Variants in WFIKKN2 observed in about 807,000 individuals in gnomAD.
WFIKKN2 encodes WAP, follistatin/kazal, immunoglobulin, kunitz and netrin domain containing 2.
Under a neutral mutation model 39.2 loss-of-function variants are expected in WFIKKN2, and 25 were observed. That is an observed-to-expected ratio of 0.64 (90% CI 0.47 to 0.89). WFIKKN2 has a LOEUF of 0.89. WFIKKN2 is among the 40% of genes least tolerant of loss of function. The probability of loss-of-function intolerance (pLI) is 0.00; values close to 1 mark genes in which losing one functional copy is unlikely to be tolerated. For synonymous variants in WFIKKN2, 345 were observed against 329.7 expected (o/e 1.05, Z -0.50); for missense variants, 770 against 811.7 (o/e 0.95, Z 0.62).
rs1280525422 is a variant in WFIKKN2, at chr17:50,841,381, C to A, written c.*362C>A. 2 of 193,574 alleles carry A rather than the reference C, an allele frequency of 1.0e-5. No homozygotes were observed. 12.0% of individuals were successfully genotyped at this position (193,574 alleles called of 1,614,324 possible). A position where few individuals can be genotyped will look rare whatever the true frequency, so the allele number is the denominator to read the frequency against. The stretch of plus-strand genomic sequence containing the variant: ...CCAGCAAGGGTTTAAGAGATGGCCG[C>A]TGTGTGCTGGTCACAGGAAGTGTTG... On this transcript the variant is annotated 3_prime_UTR_variant, in exon 2 of 2. Transcript: ENST00000311378.
rs1307654116 is a variant in WFIKKN2 at position 50,835,630 on chromosome 17, C to T, written c.-308C>T. 2.5e-6 allele frequency: 1 copy of T among 408,000 alleles called. No homozygotes were observed. 25.3% of individuals were successfully genotyped at this position (408,000 alleles called of 1,614,324 possible). Reference sequence around the variant, plus strand: ...CTGTGACAGGCATCAGGTTAGCTGGCTCCCACTCGGGTGGCGCGCCCAGGA... The same window carrying T: ...CTGTGACAGGCATCAGGTTAGCTGGTTCCCACTCGGGTGGCGCGCCCAGGA... On this transcript the variant is annotated 5_prime_UTR_variant, in exon 1 of 2. Transcript: ENST00000311378.
chr17:50,838,714 G>A (rs9913223), intron 1 of WFIKKN2, among the ~76,000 whole-genome samples: 4,387 of 152,274 alleles, frequency 0.029, 202 homozygotes, highest in African/African-American at 0.099. Context: ...ACACGGAGCT[G>A]ATACCTGGGC....
chr17:50,836,517 A>G (rs1836554593), intron 1 of WFIKKN2, among the ~76,000 whole-genome samples: 1 of 144,148 alleles, frequency 6.9e-6, no homozygotes, highest in African/African-American at 2.6e-5. Flanking sequence ...TGTGAGATGG[A>G]CCAGGTGAGT....
rs371989745 is a variant in WFIKKN2, at chr17:50,840,910, G to T, written c.1622G>T (p.Arg541Leu). 3.7e-6 allele frequency: 6 copies of T among 1,606,406 alleles called. No homozygotes were observed. The highest frequency in any genetic ancestry group is 5.1e-6 in the Non-Finnish European group (6 of 1,174,408). Residue 541 changes from arginine to leucine, a missense_variant, in exon 2 of 2, where the codon CGC (arginine) becomes CTC (leucine). Coordinates refer to ENST00000311378, the MANE Select transcript of WFIKKN2 (RefSeq NM_175575.6). ...GEVDGGMAML[R>L]PDSFVGASSA... is the part of the protein sequence containing the mutation. Reference sequence around the variant, plus strand: ...GTGGACGGCGGCATGGCCATGCTGCGCCCCGATAGCTTTGTGGGCGCATCG... The same window carrying T: ...GTGGACGGCGGCATGGCCATGCTGCTCCCCGATAGCTTTGTGGGCGCATCG...
rs1972007671 is a variant in WFIKKN2, at chr17:50,839,747, C to T, written c.459C>T (p.Tyr153=). The change falls in exon 2 of 2, where the codon TAC becomes TAT. Residue 153 remains tyrosine (Y), a synonymous_variant. Coordinates refer to ENST00000311378, the MANE Select transcript of WFIKKN2 (RefSeq NM_175575.6). ...SFTCASDGLT[Y]YNRCYMDAEA... is the part of the protein sequence containing the mutation. ...CCTGCGCCTCGGACGGCCTCACCTA[C>T]TATAACCGCTGCTACATGGATGCCG... is the stretch of plus-strand genomic sequence containing the variant. 2 of 1,614,248 alleles carry T rather than the reference C, an allele frequency of 1.2e-6. No homozygotes were observed. The highest frequency in any genetic ancestry group is 1.1e-5 in the South Asian group (1 of 91,088).
Position 50,840,674 on chromosome 17 carries a change from C to A in WFIKKN2, c.1386C>A (p.Asp462Glu). 3 of 1,613,972 alleles carry A rather than the reference C, an allele frequency of 1.9e-6. No individual in the cohort carries two copies. The highest frequency in any genetic ancestry group is 2.5e-6 in the Non-Finnish European group (3 of 1,179,998). Residue 462 changes from aspartate (D) to glutamate (E), a missense_variant, in exon 2 of 2, where the codon GAC (aspartate) becomes GAA (glutamate). Coordinates refer to ENST00000311378, the MANE Select transcript of WFIKKN2 (RefSeq NM_175575.6). ...QKLVTSFCRS[D>E]FVILGRVSEL... ...TCGTTACCAGCTTCTGTCGCAGCGA[C>A]TTTGTCATCCTGGGCCGAGTCTCTG...
Position 50,835,758 on chromosome 17 carries a change from C to G in WFIKKN2, c.-180C>G. On this transcript the variant is annotated 5_prime_UTR_variant, in exon 1 of 2. Transcript: ENST00000311378. ...TTCTTTTATCTGAAGCCGCACAGCC[C>G]GGCAGGCTGTGCTGACTTGGTGGAG... The G allele has an allele frequency of 3.1e-6, 2 of 643,284 alleles. No individual in the cohort carries two copies. Among genetic ancestry groups the G allele is most frequent in the Non-Finnish European group, 5.3e-6 (2 of 378,688 alleles). 39.8% of individuals were successfully genotyped at this position (643,284 alleles called of 1,614,324 possible).
Position 50,835,912 on chromosome 17 carries a change from G to T in WFIKKN2, c.-26G>T. The T allele has an allele frequency of 6.2e-7, 1 of 1,600,860 alleles. No homozygotes were observed. The highest frequency in any genetic ancestry group is 8.5e-7 in the Non-Finnish European group (1 of 1,172,386). On this transcript the variant is annotated 5_prime_UTR_variant, in exon 1 of 2. The change creates a new upstream start codon in the 5' untranslated region. Transcript: ENST00000311378. ...CAGACCCTGGCATCGTTTCAGGGGAGGTCTCTAGCCGCCCCAGCCTGCACC... is the reference window on the plus strand; with the variant it reads ...CAGACCCTGGCATCGTTTCAGGGGATGTCTCTAGCCGCCCCAGCCTGCACC...
rs201714204 is a variant in WFIKKN2, at chr17:50,835,957, G to A, written c.20G>A (p.Arg7His). MWAPRC[R>H]RFWSRWEQVA... is the part of the protein sequence containing the mutation. ...TGCACCATGTGGGCCCCAAGGTGTC[G>A]CCGGTTCTGGTCTCGCTGGGAGCAG... Residue 7 changes from arginine to histidine, a missense_variant, in exon 1 of 2, where the codon CGC (arginine) becomes CAC (histidine). By Grantham distance (29) the Arg-to-His change is conservative. Transcript: ENST00000311378. 1.9e-4 allele frequency: 307 copies of A among 1,610,560 alleles called. No individual in the cohort carries two copies. The highest frequency in any genetic ancestry group is 1.6e-4 in the Middle Eastern group (1 of 6,074).
rs775704491 is a variant in WFIKKN2 at position 50,839,837 on chromosome 17, C to T, written c.549C>T (p.Asn183=). The T allele has an allele frequency of 1.2e-6, 2 of 1,614,220 alleles. No individual in the cohort carries two copies. Among genetic ancestry groups the T allele is most frequent in the Non-Finnish European group, 1.7e-6 (2 of 1,180,034 alleles). Residue 183 remains asparagine, a synonymous_variant, in exon 2 of 2, where the codon AAC becomes AAT. Coordinates refer to ENST00000311378, the MANE Select transcript of WFIKKN2 (RefSeq NM_175575.6). The part of the protein sequence containing the change: ...VTCRYHFTWP[N]TSPPPPETTM... ...GCCGCTATCACTTCACCTGGCCCAACACCAGCCCCCCACCACCTGAGACCA... is the reference window on the plus strand; with the variant it reads ...GCCGCTATCACTTCACCTGGCCCAATACCAGCCCCCCACCACCTGAGACCA...
intron 1 of WFIKKN2, 141 bp downstream of exon 1, chr17:50,836,288 G>C (rs1411483619): frequency 1.3e-5 from 13 of 1,016,202 alleles, no homozygotes; most frequent in Non-Finnish European, 1.9e-5. Context: ...GGCGGACCAG[G>C]TGAGTGGTGT....
Position 50,841,599 on chromosome 17 carries a change from G to T in WFIKKN2, c.*580G>T, listed in dbSNP as rs1392547195. 6.6e-6 allele frequency: 1 copy of T among 152,234 alleles called. No homozygotes were observed. Among genetic ancestry groups the T allele is most frequent in the Non-Finnish European group, 1.5e-5 (1 of 68,130 alleles). The allele number at this position is 152,234 out of a possible 1,614,324, so 9.4% of individuals were successfully genotyped here. Reference sequence around the variant, plus strand: ...CCCTGAATGGAAGCTGCTGAAACGGGTGCCTTTGGGTGGTGGTCGGCTTGC... The same window carrying T: ...CCCTGAATGGAAGCTGCTGAAACGGTTGCCTTTGGGTGGTGGTCGGCTTGC... On this transcript the variant is annotated 3_prime_UTR_variant, in exon 2 of 2. Transcript: ENST00000311378.
intron 1 of WFIKKN2, among the ~76,000 whole-genome samples, chr17:50,838,639 G>A (rs1245818024): frequency 7.9e-5 from 12 of 152,182 alleles, no homozygotes; most frequent in Non-Finnish European, 1.0e-4. Context: ...CCTCGCTGAC[G>A]GCCTTGCTGA....
In WFIKKN2 at chr17:50,839,521, G is replaced by T; in HGVS notation, c.233G>T (p.Cys78Phe). Residue 78 changes from cysteine to phenylalanine, a missense_variant, in exon 2 of 2, where the codon TGC (cysteine) becomes TTC (phenylalanine). Transcript: ENST00000311378. Reference sequence around the variant, plus strand: ...CAGGAGTGTGAGACCTATGAGAAGTGCTGCCCCAACGTATGTGGGACCAAG... The same window carrying T: ...CAGGAGTGTGAGACCTATGAGAAGTTCTGCCCCAACGTATGTGGGACCAAG... ...TDQECETYEK[C>F]CPNVCGTKSC... 2 of 1,613,844 alleles carry T rather than the reference G, an allele frequency of 1.2e-6. No individual in the cohort carries two copies. The highest frequency in any genetic ancestry group is 1.7e-6 in the Non-Finnish European group (2 of 1,179,800).
chr17:50,840,316 G>A lies in WFIKKN2; in HGVS notation c.1028G>A (p.Arg343His), dbSNP rs371031371. The change falls in exon 2 of 2, where the codon CGC becomes CAC. Residue 343 changes from arginine to histidine, a missense_variant. Coordinates refer to ENST00000311378, the MANE Select transcript of WFIKKN2 (RefSeq NM_175575.6). The stretch of plus-strand genomic sequence containing the variant: ...GAGGACTGTGGCGAAGAGCAGACCC[G>A]CTGGCACTTCGATGCCCAGGCCAAC... Reference protein sequence around the residue: ...DSEDCGEEQTRWHFDAQANNC... With the variant: ...DSEDCGEEQTHWHFDAQANNC... The A allele has an allele frequency of 5.1e-5, 82 of 1,613,982 alleles. No individual in the cohort carries two copies. The highest frequency in any genetic ancestry group is 6.5e-5 in the Non-Finnish European group (77 of 1,180,032).
Position 50,839,656 on chromosome 17 carries a change from G to A in WFIKKN2, c.368G>A (p.Cys123Tyr), listed in dbSNP as rs779578269. ...HFMCLQQGSECDIWDGQPVCK... is the reference protein window; with the variant it reads ...HFMCLQQGSEYDIWDGQPVCK... ...ATGTGTCTGCAGCAGGGCTCTGAGT[G>A]TGACATCTGGGATGGCCAGCCCGTG... Residue 123 changes from cysteine (C) to tyrosine (Y), a missense_variant, in exon 2 of 2, where the codon TGT becomes TAT. Coordinates refer to ENST00000311378, the MANE Select transcript of WFIKKN2 (RefSeq NM_175575.6). 6.2e-7 allele frequency: 1 copy of A among 1,614,248 alleles called. No homozygotes were observed. Among genetic ancestry groups the A allele is most frequent in the East Asian group, 2.2e-5 (1 of 44,890 alleles).
chr17:50,839,902 T>G lies in WFIKKN2; in HGVS notation c.614T>G (p.Leu205Arg). 3.1e-6 allele frequency: 5 copies of G among 1,614,110 alleles called. No individual in the cohort carries two copies. Among genetic ancestry groups the G allele is most frequent in the Non-Finnish European group, 4.2e-6 (5 of 1,180,012 alleles). Residue 205 changes from leucine to arginine, a missense_variant, in exon 2 of 2, where the codon CTG (leucine) becomes CGG (arginine). Coordinates refer to ENST00000311378, the MANE Select transcript of WFIKKN2 (RefSeq NM_175575.6). ...PTTASPETPE[L>R]DMAAPALLNN... ...ACAGCCTCCCCAGAGACCCCTGAGC[T>G]GGACATGGCGGCCCCTGCGCTGCTC...
At position 50,840,294 on chromosome 17, in the gene WFIKKN2, G is replaced by A. The variant is rs2143298682; in HGVS notation, c.1006G>A (p.Asp336Asn). Residue 336 changes from aspartate (D) to asparagine (N), a missense_variant, in exon 2 of 2, where the codon GAC (aspartate) becomes AAC (asparagine). Transcript: ENST00000311378. ...AECLKPPDSE[D>N]CGEEQTRWHF... ...GTGCCTGAAGCCCCCAGACAGTGAG[G>A]ACTGTGGCGAAGAGCAGACCCGCTG... The A allele has an allele frequency of 6.2e-7, 1 of 1,614,060 alleles. No homozygotes were observed.
rs1375053168 is a variant in WFIKKN2, at chr17:50,841,041, C to T, written c.*22C>T. ...CTGAAGCCCCCCACCCCTCCCTGCC[C>T]CCTCCCTGGCCTTCTTCCACCTATC... On this transcript the variant is annotated 3_prime_UTR_variant, in exon 2 of 2. Coordinates refer to ENST00000311378, the MANE Select transcript of WFIKKN2 (RefSeq NM_175575.6). 6.6e-7 allele frequency: 1 copy of T among 1,513,398 alleles called. No homozygotes were observed. The highest frequency in any genetic ancestry group is 1.4e-5 in the African/African-American group (1 of 71,662). The allele number at this position is 1,513,398 out of a possible 1,614,324, so 93.7% of individuals were successfully genotyped here.
Sources: allele counts gnomAD v4.1 joint callset (sites outside exome capture counted in the v4.1 genomes callset), GRCh38; gene constraint gnomAD v4.1.1; transcripts MANE v1.5; gene names NCBI Gene and HGNC (gene_info 2026-07-23, HGNC 2026-07-21).